The following CCDC33 variants were observed in gnomAD, a reference collection of about 807,000 sequenced individuals.
CCDC33 encodes coiled-coil domain-containing protein 33.
In CCDC33, 94 loss-of-function variants were observed where a neutral mutation model predicts 91.9. That is an observed-to-expected ratio of 1.02 (90% CI 0.87 to 1.21). The LOEUF is 1.21. CCDC33 is among the 50% of genes most tolerant of loss of function. CCDC33 has a pLI of 0.00. For synonymous variants in CCDC33, 396 were observed against 374.5 expected (o/e 1.06, Z -0.66); for missense variants, 940 against 935.5 (o/e 1.00, Z -0.06).
intron 2 of CCDC33, among the ~76,000 whole-genome samples, chr15:74,230,127 G>T (rs1249474901): frequency 1.3e-5 from 2 of 152,234 alleles, no homozygotes; most frequent in Non-Finnish European, 2.9e-5. Flanking sequence ...ATGAGTGTGG[G>T]TGTGAGGGCC....
At chr15:74,335,781 C>G in intron 18 of CCDC33, 144 bp from the exon 19 acceptor site, 1 of 687,012 alleles carries the variant, frequency 1.5e-6, no homozygotes, top group South Asian at 1.8e-5. Flanking sequence ...CCTGCTGTGG[C>G]AAAATGGGTT....
chr15:74,249,677 G>A (rs532368719), intron 2 of CCDC33, among the ~76,000 whole-genome samples: 59 of 152,202 alleles, frequency 3.9e-4, no homozygotes, highest in African/African-American at 1.2e-3. Context: ...ATGAGGAACC[G>A]GGGGAGAGAC....
At chr15:74,287,765 G>C (rs918348862) in intron 10 of CCDC33, among the ~76,000 whole-genome samples, 1 of 151,650 alleles carries the variant, frequency 6.6e-6, no homozygotes. Context: ...CTCCAGCCTG[G>C]GCGACAGAGC....
chr15:74,321,187 T>C (rs1337536710), intron 11 of CCDC33, among the ~76,000 whole-genome samples: 1 of 152,244 alleles, frequency 6.6e-6, no homozygotes, highest in African/African-American at 2.4e-5. Context: ...ATTTGCCAGC[T>C]GAATTTTCCA....
At chr15:74,283,142 T>A (rs969182726) in intron 10 of CCDC33, among the ~76,000 whole-genome samples, 6 of 152,120 alleles carry the variant, frequency 3.9e-5, no homozygotes, top group African/African-American at 1.4e-4. Flanking sequence ...CCATTAGCAC[T>A]CCCTGCTATA....
At chr15:74,328,650 G>A (rs1024906252) in intron 11 of CCDC33, among the ~76,000 whole-genome samples, 5 of 152,204 alleles carry the variant, frequency 3.3e-5, no homozygotes, top group African/African-American at 7.2e-5. Flanking sequence ...ATTAGAGGGA[G>A]CCCAACCAGA....
Position 74,244,701 on chromosome 15 carries a change from C to T in CCDC33, c.185+553C>T, listed in dbSNP as rs2075462782. ...GGGTACACACTTCCCCAGCCTGGCA[C>T]CAAGGCCTGCCACGCCACGTCTATG... On this transcript the variant is annotated intron_variant, in intron 2 of 18. Coordinates refer to ENST00000398814, the MANE Select transcript of CCDC33 (RefSeq NM_025055.5). The surrounding 1 kb of genome is among the most constrained non-coding windows in gnomAD (Gnocchi z 4.2). 6.6e-6 allele frequency among the ~76,000 whole-genome samples: 1 copy of T among 152,200 alleles called. No individual in the cohort carries two copies. Among genetic ancestry groups the T allele is most frequent in the South Asian group, 2.1e-4 (1 of 4,828 alleles).
chr15:74,206,025 T>C (rs1187498535), intron 1 of CCDC33, among the ~76,000 whole-genome samples: 2 of 152,220 alleles, frequency 1.3e-5, no homozygotes, highest in Admixed American at 6.5e-5. Flanking sequence ...GGACTGGCTA[T>C]GTGGCCTTGA....
chr15:74,236,528 C>CCCAA lies in CCDC33; in HGVS notation c.-192_-191insCCAA. ...CACCTGGCCACCCTCCCCCTCCCCC[C>CCCAA]ACATCCAGGCCCCAGGGCTGGTGTG... On this transcript the variant is annotated 5_prime_UTR_variant, in exon 1 of 19. Coordinates refer to ENST00000398814, the MANE Select transcript of CCDC33 (RefSeq NM_025055.5). 4.6e-6 allele frequency: 2 copies of CCCAA among 430,530 alleles called. No homozygotes were observed. The highest frequency in any genetic ancestry group is 4.2e-6 in the Non-Finnish European group (1 of 236,662). 26.7% of individuals were successfully genotyped at this position (430,530 alleles called of 1,614,324 possible).
At chr15:74,325,793 G>T (rs1259483057) in intron 11 of CCDC33, among the ~76,000 whole-genome samples, 1 of 151,978 alleles carries the variant, frequency 6.6e-6, no homozygotes, top group Non-Finnish European at 1.5e-5. Flanking sequence ...TTTGCGGGGG[G>T]TGGGTAAGGG....
chr15:74,261,099 T>G (rs1022868135), intron 2 of CCDC33, among the ~76,000 whole-genome samples: 1 of 152,196 alleles, frequency 6.6e-6, no homozygotes, highest in Non-Finnish European at 1.5e-5. Context: ...AATGCCCAGC[T>G]GCAGGGTCCT....
At chr15:74,313,415 C>CTTTTTTTTTTT (rs35519774) in intron 11 of CCDC33, among the ~76,000 whole-genome samples, 6 of 94,182 alleles carry the variant, frequency 6.4e-5, no homozygotes, top group Non-Finnish European at 9.6e-5. Flanking sequence ...TTCTTTCTTT[C>CTTTTTTTTTTT]TTTTTTTTTT....
chr15:74,277,411 G>A (rs924749661), intron 7 of CCDC33, among the ~76,000 whole-genome samples: 6 of 152,246 alleles, frequency 3.9e-5, no homozygotes, highest in South Asian at 2.1e-4. Flanking sequence ...GGCGGTGGGC[G>A]TGGAGGGGCC....
At chr15:74,286,624 T>C (rs1480303557) in intron 10 of CCDC33, among the ~76,000 whole-genome samples, 1 of 152,074 alleles carries the variant, frequency 6.6e-6, no homozygotes, top group African/African-American at 2.4e-5. Context: ...GTGGGACAAG[T>C]TCATGCCGTC....
chr15:74,290,042 T>C (rs2059555821), intron 10 of CCDC33, among the ~76,000 whole-genome samples: 1 of 151,524 alleles, frequency 6.6e-6, no homozygotes. Flanking sequence ...TCTCAGAAAA[T>C]GGGAGTTGGT....
At chr15:74,280,626 TG>T (rs563273154) in intron 8 of CCDC33, 41 bp from the exon 9 acceptor site, 240 of 1,430,988 alleles carry the variant, frequency 1.7e-4, no homozygotes, top group Non-Finnish European at 2.1e-4. Context: ...GGGGCCGAGG[TG>T]GGGGCTTTGG....
rs1376044315 is a variant in CCDC33 at position 74,331,061 on chromosome 15, C to A, written c.1626C>A (p.Gly542=). The change falls in exon 14 of 19, where the codon GGC becomes GGA. Residue 542 remains glycine, a synonymous_variant. Transcript: ENST00000398814. The part of the protein sequence containing the change: ...PQAALLKQYQ[G]KLQKMKALEE... ...CCGCTCTGCTGAAGCAGTACCAGGG[C>A]AAGCTGCAGAAGATGAAGGCGCTGG... 6.2e-7 allele frequency: 1 copy of A among 1,613,558 alleles called. No homozygotes were observed. Among genetic ancestry groups the A allele is most frequent in the African/African-American group, 1.3e-5 (1 of 75,046 alleles).
intron 2 of CCDC33, among the ~76,000 whole-genome samples, chr15:74,249,907 T>C (rs1203721515): frequency 6.6e-6 from 1 of 152,104 alleles, no homozygotes. Context: ...CCCCTCCAAG[T>C]TACCCCACTC....
At chr15:74,235,334 C>G (rs903199114), upstream of CCDC33, among the ~76,000 whole-genome samples, 7 of 152,224 alleles carry the variant, frequency 4.6e-5, no homozygotes, top group African/African-American at 1.4e-4. Context: ...TGCTGCTGCT[C>G]TCTCTGGAGT....
Sources: allele counts gnomAD v4.1 joint callset (sites outside exome capture counted in the v4.1 genomes callset), GRCh38; gene constraint gnomAD v4.1.1; non-coding constraint Gnocchi (gnomAD v3.1); transcripts MANE v1.5; gene names NCBI Gene and HGNC (gene_info 2026-07-23, HGNC 2026-07-21).